Variants in ZPBP observed in about 807,000 individuals in gnomAD.
ZPBP encodes zona pellucida-binding protein 1.
A neutral mutation model predicts 44.8 loss-of-function variants in ZPBP; 26 were observed. The observed-to-expected ratio is 0.58, with a 90% CI of 0.43 to 0.81. The LOEUF (loss-of-function observed/expected upper bound fraction) is 0.81. Among genes scored for constraint, ZPBP ranks in the 30% least tolerant of loss-of-function variants. The pLI is 0.00. For missense variants in ZPBP, 409 were observed against 434.0 expected, an observed-to-expected ratio of 0.94 and a Z score of 0.51; for synonymous variants, 174 against 153.2, an observed-to-expected ratio of 1.14 and a Z score of -1.00.
chr7:49,863,594 G>C (rs572487288), intron 2 of ZPBP, among the ~76,000 whole-genome samples: 1 of 152,220 alleles, frequency 6.6e-6, no homozygotes, highest in South Asian at 2.1e-4. Context: ...ACCATGCCCA[G>C]ATAAATTTTG....
intron 7 of ZPBP, among the ~76,000 whole-genome samples, chr7:49,979,661 A>G (rs975859118): frequency 1.3e-5 from 2 of 151,032 alleles, no homozygotes; most frequent in African/African-American, 2.4e-5. Flanking sequence ...TGACAATTTC[A>G]AAATACTTAT....
At chr7:50,089,782 T>A in intron 1 of ZPBP, 73 bp from the exon 2 acceptor site, 1 of 1,218,212 alleles carries the variant, frequency 8.2e-7, no homozygotes, top group Non-Finnish European at 1.2e-6. Flanking sequence ...TTACAGTATC[T>A]TTGGTATTGG....
intron 5 of ZPBP, among the ~76,000 whole-genome samples, chr7:50,019,176 A>C (rs1798963633): frequency 6.6e-6 from 1 of 152,058 alleles, no homozygotes; most frequent in Non-Finnish European, 1.5e-5. Flanking sequence ...TATATTTAAA[A>C]ACAAATACTT....
At chr7:49,911,388 A>T (rs1319514961) in intron 1 of ZPBP, among the ~76,000 whole-genome samples, 2 of 146,822 alleles carry the variant, frequency 1.4e-5, no homozygotes, top group Non-Finnish European at 3.0e-5. Flanking sequence ...AGGCTGCGGC[A>T]GGAGAATCGC....
At chr7:49,912,753 A>G (rs914641393) in intron 1 of ZPBP, 10 of 152,524 alleles carry the variant, frequency 6.6e-5, no homozygotes, top group African/African-American at 2.2e-4. Context: ...TTTTTATAAT[A>G]ATATATGGCT....
intron 1 of ZPBP, among the ~76,000 whole-genome samples, chr7:49,905,533 C>G (rs1009847472): frequency 6.6e-6 from 1 of 152,232 alleles, no homozygotes; most frequent in African/African-American, 2.4e-5. Context: ...ACCTTGATTT[C>G]TATCATTTAA....
At chr7:49,849,182 T>C (rs1039480351), downstream of ZPBP, among the ~76,000 whole-genome samples, 6 of 152,208 alleles carry the variant, frequency 3.9e-5, no homozygotes, top group Admixed American at 3.9e-4. Context: ...CTGGATCCCG[T>C]GAAGCCTCGG....
chr7:49,971,392 C>T (rs1396277), intron 7 of ZPBP, among the ~76,000 whole-genome samples: 121,652 of 152,014 alleles, frequency 0.8, 48,813 homozygotes, highest in East Asian at 0.92. Context: ...AAGAGAGGAC[C>T]CAAATTACTA....
intron 7 of ZPBP, among the ~76,000 whole-genome samples, chr7:49,957,190 T>C (rs1795640094): frequency 6.6e-6 from 1 of 152,188 alleles, no homozygotes; most frequent in Non-Finnish European, 1.5e-5. Flanking sequence ...TCCTGGACTT[T>C]CCATGCTCCA....
chr7:49,863,826 T>C (rs184051243), intron 2 of ZPBP, among the ~76,000 whole-genome samples: 106 of 152,362 alleles, frequency 7.0e-4, no homozygotes, highest in East Asian at 5.8e-4. Flanking sequence ...TTTTTACTCA[T>C]TCTTTTAGGT....
intron 7 of ZPBP, among the ~76,000 whole-genome samples, chr7:49,968,288 A>ATTTTTATTT (rs1489661493): frequency 1.8e-4 from 27 of 152,220 alleles, no homozygotes; most frequent in Non-Finnish European, 3.4e-4. Flanking sequence ...AAGGACAGAT[A>ATTTTTATTT]TATTAGGTTC....
intron 2 of ZPBP, among the ~76,000 whole-genome samples, chr7:49,876,191 A>G (rs1325558193): frequency 6.6e-6 from 1 of 152,206 alleles, no homozygotes; most frequent in East Asian, 1.9e-4. Flanking sequence ...TTTAAGAGAC[A>G]CAGGTTGGGT....
chr7:50,071,198 C>T (rs897004423), intron 3 of ZPBP, among the ~76,000 whole-genome samples: 2 of 152,246 alleles, frequency 1.3e-5, no homozygotes, highest in Non-Finnish European at 2.9e-5. Flanking sequence ...TCTCTGGATA[C>T]TGGGGGAGGG....
chr7:49,905,738 G>T (rs1163501022), intron 1 of ZPBP, among the ~76,000 whole-genome samples: 1 of 152,126 alleles, frequency 6.6e-6, no homozygotes, highest in African/African-American at 2.4e-5. Flanking sequence ...GATGGTTAAG[G>T]CATTCTAAGT....
chr7:50,035,186 T>C (rs1799775749), intron 4 of ZPBP, among the ~76,000 whole-genome samples: 1 of 152,230 alleles, frequency 6.6e-6, no homozygotes, highest in Admixed American at 6.5e-5. Flanking sequence ...TTTGTTAAAA[T>C]ATTATGTAAG....
chr7:49,885,472 T>G, intron 2 of ZPBP, among the ~76,000 whole-genome samples: 1 of 151,656 alleles, frequency 6.6e-6, no homozygotes. Context: ...GATAGCAGAT[T>G]AACTTCATCA....
chr7:50,053,961 T>C (rs1800810709), intron 4 of ZPBP, among the ~76,000 whole-genome samples: 2 of 152,176 alleles, frequency 1.3e-5, no homozygotes, highest in East Asian at 3.9e-4. Flanking sequence ...ATGATCCGGC[T>C]CACTGCAGCT....
chr7:49,911,976 T>G, intron 1 of ZPBP: 4 of 1,263,164 alleles, frequency 3.2e-6, no homozygotes, highest in Non-Finnish European at 4.2e-6. Context: ...TAATACCTAA[T>G]TATATATATT....
At chr7:49,929,983 A>G (rs770130168) in intron 1 of ZPBP, among the ~76,000 whole-genome samples, 27 of 152,232 alleles carry the variant, frequency 1.8e-4, no homozygotes, top group Non-Finnish European at 4.4e-5. Context: ...AAATGAAGGT[A>G]TCACTTTCTA....
Sources: gnomAD v4.1 joint callset for allele counts (sites outside exome capture counted in the v4.1 genomes callset) on GRCh38, gnomAD v4.1.1 for gene constraint, MANE v1.5 for transcripts, NCBI Gene and HGNC (gene_info 2026-07-23, HGNC 2026-07-21) for gene names.